SOX6: variants seen among roughly 807,000 people sequenced by gnomAD.
The protein encoded by SOX6 is transcription factor SOX-6.
SOX6 carries 11 observed loss-of-function variants against 97.8 expected under a neutral mutation model. That is an observed-to-expected ratio of 0.11 (90% CI 0.07 to 0.19). The LOEUF (loss-of-function observed/expected upper bound fraction) is 0.19. Among genes scored for constraint, SOX6 ranks in the 10% least tolerant of loss-of-function variants. SOX6 has a pLI of 1.00. For synonymous variants in SOX6, 360 were observed against 371.4 expected (o/e 0.97, Z 0.35); for missense variants, 810 against 1,039.5 (o/e 0.78, Z 3.04).
chr11:16,445,398 T>C (rs190521812), intron 1 of SOX6, among the ~76,000 whole-genome samples: 1 of 152,320 alleles, frequency 6.6e-6, no homozygotes, highest in East Asian at 1.9e-4. Flanking sequence ...ACCAACACAC[T>C]TTAAATTGCC....
At chr11:16,365,325 G>T (rs535353479) in intron 1 of SOX6, among the ~76,000 whole-genome samples, 1 of 139,460 alleles carries the variant, frequency 7.2e-6, no homozygotes, top group South Asian at 2.7e-4. Flanking sequence ...GTGCATGCAC[G>T]TGTGTGTGTA....
chr11:16,386,352 G>T (rs149874948), intron 1 of SOX6, among the ~76,000 whole-genome samples: 1 of 150,748 alleles, frequency 6.6e-6, no homozygotes, highest in Non-Finnish European at 1.5e-5. Flanking sequence ...GCAGGTGGGG[G>T]GTGAAGTAAC....
At chr11:16,555,870 A>G (rs1847743485) in intron 4 of SOX6, among the ~76,000 whole-genome samples, 1 of 151,694 alleles carries the variant, frequency 6.6e-6, no homozygotes, top group Non-Finnish European at 1.5e-5. Context: ...ATATTTTGTT[A>G]AGTCTATATC....
At chr11:16,725,120 T>A (rs1225980921) in intron 2 of SOX6, among the ~76,000 whole-genome samples, 1 of 152,204 alleles carries the variant, frequency 6.6e-6, no homozygotes, top group Non-Finnish European at 1.5e-5. Context: ...CAAATGCCTA[T>A]AACTGATGAA....
At chr11:16,463,298 C>A (rs1461282314) in intron 1 of SOX6, among the ~76,000 whole-genome samples, 1 of 152,120 alleles carries the variant, frequency 6.6e-6, no homozygotes, top group Non-Finnish European at 1.5e-5. Flanking sequence ...TGGGAACATA[C>A]TATACATCAG....
chr11:16,533,349 T>C (rs1455327974), intron 4 of SOX6, among the ~76,000 whole-genome samples: 1 of 151,788 alleles, frequency 6.6e-6, no homozygotes, highest in Non-Finnish European at 1.5e-5. Context: ...CCCTAAAAAC[T>C]AAACAAAATG....
At chr11:16,597,384 CCTTT>C (rs1286477941) in intron 4 of SOX6, among the ~76,000 whole-genome samples, 1 of 151,268 alleles carries the variant, frequency 6.6e-6, no homozygotes, top group Non-Finnish European at 1.5e-5. Context: ...TCAAACTTAA[CCTTT>C]CTAACAACCC....
At chr11:16,723,992 CA>C (rs1848286306) in intron 2 of SOX6, among the ~76,000 whole-genome samples, 1 of 152,136 alleles carries the variant, frequency 6.6e-6, no homozygotes, top group Non-Finnish European at 1.5e-5. Flanking sequence ...AGTTTGTATA[CA>C]AATTATAATT....
chr11:16,474,900 G>T (rs1167779893), intron 1 of SOX6, among the ~76,000 whole-genome samples: 1 of 152,096 alleles, frequency 6.6e-6, no homozygotes, highest in Non-Finnish European at 1.5e-5. Context: ...AAAGTCTGTG[G>T]TTTGATGTAG....
At chr11:16,136,886 A>G (rs1274014844) in intron 6 of SOX6, among the ~76,000 whole-genome samples, 2 of 152,122 alleles carry the variant, frequency 1.3e-5, no homozygotes, top group African/African-American at 4.8e-5. Flanking sequence ...CCATAAACCA[A>G]TTTTCATCAA....
chr11:16,094,173 C>T (rs1564950716), intron 9 of SOX6, among the ~76,000 whole-genome samples: 2 of 151,908 alleles, frequency 1.3e-5, no homozygotes, highest in African/African-American at 2.4e-5. Flanking sequence ...GTGACAGACA[C>T]GTGACATATG....
intron 4 of SOX6, among the ~76,000 whole-genome samples, chr11:16,191,413 ATT>A (rs1311992289): frequency 6.6e-6 from 1 of 152,158 alleles, no homozygotes; most frequent in African/African-American, 2.4e-5. Flanking sequence ...GTGAGCCATG[ATT>A]GCGCCACTGC....
chr11:16,159,164 A>G (rs1487577576), intron 6 of SOX6, among the ~76,000 whole-genome samples: 1 of 152,052 alleles, frequency 6.6e-6, no homozygotes, highest in Non-Finnish European at 1.5e-5. Context: ...TTCTGCTGTT[A>G]GCCAAAATTA....
chr11:16,436,126 G>T (rs1859371490), intron 1 of SOX6, among the ~76,000 whole-genome samples: 1 of 152,016 alleles, frequency 6.6e-6, no homozygotes, highest in Non-Finnish European at 1.5e-5. Context: ...AATAATGATT[G>T]CTGTTAAACC....
intron 4 of SOX6, among the ~76,000 whole-genome samples, chr11:16,222,301 C>A (rs1277540269): frequency 1.3e-5 from 2 of 152,082 alleles, no homozygotes; most frequent in Admixed American, 1.3e-4. Context: ...TAGCCCTGAA[C>A]CCCTGGGCTA....
At chr11:16,117,801 C>T (rs555120562) in intron 6 of SOX6, among the ~76,000 whole-genome samples, 34 of 152,242 alleles carry the variant, frequency 2.2e-4, no homozygotes, top group African/African-American at 7.9e-4. Flanking sequence ...CCCATCATCC[C>T]GTTTTCCCAT....
intron 10 of SOX6, among the ~76,000 whole-genome samples, chr11:16,053,007 G>A (rs1847722903): frequency 6.6e-6 from 1 of 152,068 alleles, no homozygotes; most frequent in East Asian, 1.9e-4. Flanking sequence ...AAATGCTCAG[G>A]GGCAGCCTTT....
intron 13 of SOX6, among the ~76,000 whole-genome samples, chr11:15,992,065 T>C (rs1409425452): frequency 6.6e-6 from 1 of 152,202 alleles, no homozygotes; most frequent in Non-Finnish European, 1.5e-5. Flanking sequence ...GACTCACATG[T>C]AATGCTTCCA....
intron 1 of SOX6, among the ~76,000 whole-genome samples, chr11:16,400,781 C>A (rs182018235): frequency 6.6e-6 from 1 of 151,198 alleles, no homozygotes; most frequent in Non-Finnish European, 1.5e-5. Flanking sequence ...CTCATACATA[C>A]GTAGATAAAA....
Sources: gnomAD v4.1 joint callset for allele counts (sites outside exome capture counted in the v4.1 genomes callset) on GRCh38, gnomAD v4.1.1 for gene constraint, MANE v1.5 for transcripts, NCBI Gene and HGNC (gene_info 2026-07-23, HGNC 2026-07-21) for gene names.